CDYL2: variants seen among roughly 807,000 people sequenced by gnomAD.
CDYL2 encodes chromodomain Y-like protein 2.
CDYL2 carries 23 observed loss-of-function variants against 49.4 expected under a neutral mutation model. The ratio of observed to expected loss-of-function variants is 0.47; its 90% CI spans 0.34 to 0.66. The LOEUF (loss-of-function observed/expected upper bound fraction) is 0.66, where lower values mean the gene tolerates loss of function less well. Ranked by LOEUF, CDYL2 falls within the 30% of genes least tolerant of loss-of-function variation. The probability of loss-of-function intolerance (pLI) is 0.01; values close to 1 mark genes in which losing one functional copy is unlikely to be tolerated. For synonymous variants in CDYL2, 360 were observed against 268.8 expected, an observed-to-expected ratio of 1.34 and a Z score of -3.32; for missense variants, 678 against 656.4, an observed-to-expected ratio of 1.03 and a Z score of -0.36.
chr16:80,605,523 A>G (rs529311646), intron 6 of CDYL2, among the ~76,000 whole-genome samples: 12 of 150,094 alleles, frequency 8.0e-5, no homozygotes, highest in African/African-American at 2.2e-4. Context: ...AGCAATAATC[A>G]TAGTAACAAT....
intron 1 of CDYL2, among the ~76,000 whole-genome samples, chr16:80,736,753 T>C (rs1405091322): frequency 6.6e-6 from 1 of 152,192 alleles, no homozygotes; most frequent in Non-Finnish European, 1.5e-5. Context: ...TCTATTTTTT[T>C]AATCATCAAA....
intron 1 of CDYL2, among the ~76,000 whole-genome samples, chr16:80,723,162 C>A (rs1314552293): frequency 1.3e-5 from 2 of 152,154 alleles, no homozygotes; most frequent in Admixed American, 6.5e-5. Flanking sequence ...GTCTATAGGC[C>A]CAGGAATTCC....
At chr16:80,802,442 C>CT (rs1434979889) in intron 1 of CDYL2, among the ~76,000 whole-genome samples, 1 of 152,200 alleles carries the variant, frequency 6.6e-6, no homozygotes, top group Non-Finnish European at 1.5e-5. Flanking sequence ...TTTTACTGTG[C>CT]TTCAATTTTC....
intron 1 of CDYL2, among the ~76,000 whole-genome samples, chr16:80,699,892 G>C (rs1438919488): frequency 6.6e-6 from 1 of 150,432 alleles, no homozygotes; most frequent in Non-Finnish European, 1.5e-5. Flanking sequence ...TTTTGAGACG[G>C]AGTCTCGCTC....
chr16:80,748,871 A>C (rs999511242), intron 1 of CDYL2, among the ~76,000 whole-genome samples: 14 of 152,144 alleles, frequency 9.2e-5, no homozygotes, highest in African/African-American at 3.4e-4. Context: ...ATGGATACCA[A>C]ATTAGCTCAC....
intron 4 of CDYL2, among the ~76,000 whole-genome samples, chr16:80,613,870 A>G (rs115817774): frequency 0.03 from 4,500 of 152,292 alleles, 218 homozygotes; most frequent in African/African-American, 0.1. Context: ...CGTTGGTCTG[A>G]CCTTGGCCTG....
chr16:80,604,523 G>A lies in CDYL2; in HGVS notation c.1386C>T (p.Leu462=), dbSNP rs753609088. The change falls in exon 7 of 7, where the codon CTC becomes CTT. Residue 462 remains leucine, a synonymous_variant. Transcript: ENST00000570137. ...SAVVLEESKC[L]VRSFLKSVLE... ...GCACTGATTTCAGGAAGCTCCGCAC[G>A]AGGCATTTGGACTCCTCTAACACCT... 25 of 1,614,062 alleles carry A rather than the reference G, an allele frequency of 1.5e-5. No homozygotes were observed. Among genetic ancestry groups the A allele is most frequent in the South Asian group, 8.8e-5 (8 of 91,082 alleles).
chr16:80,664,162 T>C (rs1296358262), intron 2 of CDYL2, among the ~76,000 whole-genome samples: 1 of 152,172 alleles, frequency 6.6e-6, no homozygotes, highest in Non-Finnish European at 1.5e-5. Flanking sequence ...GCCTCCATCG[T>C]CTGGCCTCAT....
chr16:80,688,117 C>T (rs1910271743), intron 1 of CDYL2, among the ~76,000 whole-genome samples: 1 of 152,128 alleles, frequency 6.6e-6, no homozygotes, highest in African/African-American at 2.4e-5. Context: ...ACATTGGAGG[C>T]GGAGCTTAGT....
chr16:80,625,607 A>G (rs1907266032), intron 3 of CDYL2, among the ~76,000 whole-genome samples: 1 of 152,202 alleles, frequency 6.6e-6, no homozygotes, highest in African/African-American at 2.4e-5. Flanking sequence ...TAAGAACTAC[A>G]ACAAAAAGCT....
intron 1 of CDYL2, among the ~76,000 whole-genome samples, chr16:80,770,816 AT>A (rs766502452): frequency 3.3e-5 from 5 of 152,214 alleles, no homozygotes; most frequent in Non-Finnish European, 7.3e-5. Flanking sequence ...ACCACTAAAG[AT>A]TTTGTCTCAT....
In CDYL2 at chr16:80,633,328, G is replaced by C. The variant is rs1005455400; in HGVS notation, c.617-92C>G. ...AGGACGTTGGGATTTCCAATGGAAA[G>C]GTTTGGATGTGCTGGGACACACCAC... On this transcript the variant is annotated intron_variant, in intron 2 of 6. Transcript: ENST00000570137. The C allele has an allele frequency of 2.3e-6, 3 of 1,317,120 alleles. No individual in the cohort carries two copies. In the African/African-American group the frequency reaches 4.4e-5, roughly 19 times the overall value. The allele number at this position is 1,317,120 out of a possible 1,614,324, so 81.6% of individuals were successfully genotyped here.
chr16:80,677,183 G>A (rs915129721), intron 2 of CDYL2, among the ~76,000 whole-genome samples: 3 of 151,554 alleles, frequency 2.0e-5, no homozygotes, highest in African/African-American at 7.3e-5. Flanking sequence ...TGTTGCCCAG[G>A]CTGGTCTTGA....
intron 2 of CDYL2, among the ~76,000 whole-genome samples, chr16:80,641,168 C>G (rs765918446): frequency 7.2e-5 from 11 of 152,036 alleles, no homozygotes; most frequent in Non-Finnish European, 1.5e-4. Flanking sequence ...TAGTCAAACT[C>G]CCAAAGCTCA....
At chr16:80,798,660 T>C (rs901464978) in intron 1 of CDYL2, among the ~76,000 whole-genome samples, 2 of 152,192 alleles carry the variant, frequency 1.3e-5, no homozygotes, top group South Asian at 2.1e-4. Flanking sequence ...AGTATGCTAC[T>C]AGTAGTTAAG....
Position 80,608,140 on chromosome 16 carries a change from G to A in CDYL2, c.1314C>T (p.Ser438=), listed in dbSNP as rs147583132. The change falls in exon 6 of 7, where the codon AGC becomes AGT. Residue 438 remains serine, a synonymous_variant. Coordinates refer to ENST00000570137, the MANE Select transcript of CDYL2 (RefSeq NM_152342.4). ...VSQVFWPTTF[S]QEVMLRVKEM... ...CCTTGACCCGCAGCATGACCTCCTGGCTGAACGTGGTGGGCCAGAAGACCT... is the reference window on the plus strand; with the variant it reads ...CCTTGACCCGCAGCATGACCTCCTGACTGAACGTGGTGGGCCAGAAGACCT... 611 of 1,605,496 alleles carry A rather than the reference G, an allele frequency of 3.8e-4. No individual in the cohort carries two copies. The African/African-American group carries it at 7.3e-3, about 19-fold the overall frequency.
chr16:80,794,231 T>C (rs758612064), intron 1 of CDYL2, among the ~76,000 whole-genome samples: 2 of 152,248 alleles, frequency 1.3e-5, no homozygotes, highest in Non-Finnish European at 1.5e-5. Context: ...CATTCCACTG[T>C]TATCACATAC....
intron 2 of CDYL2, among the ~76,000 whole-genome samples, chr16:80,661,550 G>A (rs2142435534): frequency 1.3e-5 from 2 of 152,244 alleles, no homozygotes; most frequent in South Asian, 4.2e-4. Flanking sequence ...ATGCCACTGG[G>A]AAGTGCCAGC....
At chr16:80,788,082 A>T (rs1907493777) in intron 1 of CDYL2, among the ~76,000 whole-genome samples, 1 of 152,212 alleles carries the variant, frequency 6.6e-6, no homozygotes, top group African/African-American at 2.4e-5. Context: ...ACCATGCCAA[A>T]TGAAAGAAAA....
Sources: allele counts gnomAD v4.1 joint callset (sites outside exome capture counted in the v4.1 genomes callset), GRCh38; gene constraint gnomAD v4.1.1; transcripts MANE v1.5; gene names NCBI Gene and HGNC (gene_info 2026-07-23, HGNC 2026-07-21).